TNKS: variants seen among roughly 807,000 people sequenced by gnomAD.
TNKS encodes the protein poly [ADP-ribose] polymerase tankyrase-1.
Under a neutral mutation model 135.8 loss-of-function variants are expected in TNKS, and 72 were observed. That is an observed-to-expected ratio of 0.53 (90% CI 0.44 to 0.64). The LOEUF (loss-of-function observed/expected upper bound fraction) is 0.64. Ranked by LOEUF, TNKS falls within the 30% of genes least tolerant of loss-of-function variation. The probability of loss-of-function intolerance (pLI) is 0.00; values close to 1 mark genes in which losing one functional copy is unlikely to be tolerated. For missense variants in TNKS, 1,769 were observed against 1,674.0 expected (o/e 1.06, Z -0.99); for synonymous variants, 849 against 649.3 (o/e 1.31, Z -4.68).
rs777910236 is a variant in TNKS at position 9,761,535 on chromosome 8, C to G, written c.3173C>G (p.Ala1058Gly). ...ETEQITLDVLADMGHEELKEI... is the reference protein window; with the variant it reads ...ETEQITLDVLGDMGHEELKEI... ...TTTCAGATTACACTAGATGTGTTGGCTGATATGGGTCATGAAGAGTTGAAA... is the reference window on the plus strand; with the variant it reads ...TTTCAGATTACACTAGATGTGTTGGGTGATATGGGTCATGAAGAGTTGAAA... Residue 1058 changes from alanine to glycine, a missense_variant, in exon 21 of 27, where the codon GCT (alanine) becomes GGT (glycine). Physicochemically the swap from Ala to Gly is moderately conservative, Grantham distance 60. This residue lies in a region of TNKS where 722 missense variants were observed against 688.9 expected (regional missense o/e 1.05). Transcript: ENST00000310430. 6.2e-7 allele frequency: 1 copy of G among 1,612,914 alleles called. No individual in the cohort carries two copies. The highest frequency in any genetic ancestry group is 8.5e-7 in the Non-Finnish European group (1 of 1,179,806).
intron 11 of TNKS, among the ~76,000 whole-genome samples, chr8:9,717,101 A>ATATATATATATATATTTT (rs1454492300): frequency 1.7e-5 from 2 of 119,336 alleles, no homozygotes; most frequent in African/African-American, 5.8e-5. Flanking sequence ...ATATATATAT[A>ATATATATATATATATTTT]TTTTCAGGGA....
intron 3 of TNKS, among the ~76,000 whole-genome samples, chr8:9,623,613 G>A (rs1229293338): frequency 6.6e-6 from 1 of 152,200 alleles, no homozygotes; most frequent in Non-Finnish European, 1.5e-5. Context: ...CTTGCTGGAT[G>A]CAAGGTTGCC....
intron 2 of TNKS, among the ~76,000 whole-genome samples, chr8:9,609,719 A>G (rs5002814): frequency 0.12 from 18,114 of 152,090 alleles, 1,293 homozygotes; most frequent in African/African-American, 0.21. Context: ...AGTTCTGTTC[A>G]TTGTTTACAG....
intron 4 of TNKS, 50 bp from the exon 5 acceptor site, chr8:9,680,675 C>A: frequency 2.2e-6 from 3 of 1,335,834 alleles, no homozygotes; most frequent in South Asian, 1.3e-5. Flanking sequence ...CATAAATATT[C>A]ATAAGAAGCT....
At chr8:9,744,652 G>T (rs930272422) in intron 17 of TNKS, among the ~76,000 whole-genome samples, 1 of 152,120 alleles carries the variant, frequency 6.6e-6, no homozygotes, top group East Asian at 1.9e-4. Context: ...TCAATACTTT[G>T]CTCTTATATA....
chr8:9,751,690 G>A lies in TNKS; in HGVS notation c.2914G>A (p.Val972Met), dbSNP rs944666271. 1 of 1,614,202 alleles carries A rather than the reference G, an allele frequency of 6.2e-7. No homozygotes were observed. The highest frequency in any genetic ancestry group is 1.6e-4 in the Middle Eastern group (1 of 6,062). ...CTGTTTTAAACCTCAGGCTACTGTA[G>A]TGAGTGCCTCTCTGATCTCACCAGC... is the stretch of plus-strand genomic sequence containing the variant. The part of the protein sequence containing the change: ...PTCFKPQATV[V>M]SASLISPAST... Residue 972 changes from valine (V) to methionine (M), a missense_variant, in exon 19 of 27, where the codon GTG becomes ATG. Transcript: ENST00000310430.
intron 3 of TNKS, among the ~76,000 whole-genome samples, chr8:9,654,506 G>A (rs1384342536): frequency 6.6e-6 from 1 of 152,116 alleles, no homozygotes; most frequent in Admixed American, 6.5e-5. Flanking sequence ...GTTTTTATTG[G>A]TTAAAGAATG....
chr8:9,620,716 G>A (rs1411392188), intron 3 of TNKS, among the ~76,000 whole-genome samples: 1 of 152,132 alleles, frequency 6.6e-6, no homozygotes, highest in Non-Finnish European at 1.5e-5. Flanking sequence ...ACTGAAACTG[G>A]AACACTTCCC....
intron 3 of TNKS, among the ~76,000 whole-genome samples, chr8:9,648,061 G>C (rs1291274699): frequency 6.6e-6 from 1 of 152,038 alleles, no homozygotes. Flanking sequence ...TCTTCTGTAG[G>C]GCACTTACCA....
Position 9,770,136 on chromosome 8 carries a change from G to A in TNKS, c.3771G>A (p.Gly1257=). The A allele has an allele frequency of 6.2e-7, 1 of 1,613,014 alleles. No individual in the cohort carries two copies. Among genetic ancestry groups the A allele is most frequent in the Non-Finnish European group, 8.5e-7 (1 of 1,179,852 alleles). Reference sequence around the variant, plus strand: ...TGCTCTTCTGTAGAGTGACCCTTGGGAAATCCTTTCTGCAGTTTAGCACCA... The same window carrying A: ...TGCTCTTCTGTAGAGTGACCCTTGGAAAATCCTTTCTGCAGTTTAGCACCA... ...RQMLFCRVTL[G]KSFLQFSTMK... is the part of the protein sequence containing the mutation. Residue 1257 remains glycine (G), a synonymous_variant, in exon 26 of 27, where the codon GGG becomes GGA. Coordinates refer to ENST00000310430, the MANE Select transcript of TNKS (RefSeq NM_003747.3).
At chr8:9,732,421 C>T (rs902204435) in intron 14 of TNKS, among the ~76,000 whole-genome samples, 1 of 152,112 alleles carries the variant, frequency 6.6e-6, no homozygotes, top group South Asian at 2.1e-4. Context: ...TAGAATTAAA[C>T]TGCACGATTT....
chr8:9,712,203 G>C (rs1804369823), intron 11 of TNKS, among the ~76,000 whole-genome samples: 1 of 152,210 alleles, frequency 6.6e-6, no homozygotes, highest in Non-Finnish European at 1.5e-5. Flanking sequence ...GCCACGTGTA[G>C]TGGCCCGTAA....
intron 3 of TNKS, among the ~76,000 whole-genome samples, chr8:9,625,050 A>T (rs1023249326): frequency 6.6e-6 from 1 of 152,130 alleles, no homozygotes; most frequent in Non-Finnish European, 1.5e-5. Context: ...CACTAGTGAA[A>T]CCATTTGGGC....
At chr8:9,620,724 C>T (rs80290635) in intron 3 of TNKS, among the ~76,000 whole-genome samples, 2 of 152,116 alleles carry the variant, frequency 1.3e-5, no homozygotes, top group Admixed American at 6.5e-5. Flanking sequence ...TGGAACACTT[C>T]CCCAGTTCAT....
intron 5 of TNKS, among the ~76,000 whole-genome samples, chr8:9,702,786 C>G (rs1412219280): frequency 6.6e-6 from 1 of 152,052 alleles, no homozygotes; most frequent in Non-Finnish European, 1.5e-5. Flanking sequence ...GAGGTGGAGG[C>G]GGGTGGATCA....
intron 2 of TNKS, among the ~76,000 whole-genome samples, chr8:9,582,857 T>C (rs1392290032): frequency 6.6e-6 from 1 of 152,162 alleles, no homozygotes; most frequent in Non-Finnish European, 1.5e-5. Context: ...TTGTCCTTTG[T>C]TGACATTTCT....
chr8:9,733,914 T>C (rs948578119), intron 15 of TNKS, among the ~76,000 whole-genome samples: 3 of 152,178 alleles, frequency 2.0e-5, no homozygotes, highest in African/African-American at 7.2e-5. Flanking sequence ...AAGTTGTTCA[T>C]ATAGATTTTA....
At chr8:9,741,705 C>T (rs1435460970) in intron 17 of TNKS, 2 of 529,816 alleles carry the variant, frequency 3.8e-6, no homozygotes, top group Non-Finnish European at 7.8e-6. Flanking sequence ...TCGATGACCA[C>T]TGTGAAGACA....
intron 1 of TNKS, among the ~76,000 whole-genome samples, chr8:9,570,356 C>A (rs1331069536): frequency 7.2e-5 from 11 of 152,106 alleles, no homozygotes; most frequent in African/African-American, 2.7e-4. Flanking sequence ...GTTCAAGAGG[C>A]CAAAAAAGAT....
Sources: gnomAD v4.1 joint callset for allele counts (sites outside exome capture counted in the v4.1 genomes callset) on GRCh38, gnomAD v4.1.1 for gene constraint, gnomAD v4.1.1 regional missense constraint, MANE v1.5 for transcripts, NCBI Gene and HGNC (gene_info 2026-07-23, HGNC 2026-07-21) for gene names.